KCNQ1: variants seen among roughly 807,000 people sequenced by gnomAD.
The protein encoded by KCNQ1 is potassium voltage-gated channel subfamily Q member 1.
In KCNQ1, 49 loss-of-function variants were observed where a neutral mutation model predicts 72.4. The ratio of observed to expected loss-of-function variants is 0.68; its 90% CI spans 0.54 to 0.86. The LOEUF is 0.86. Ranked by LOEUF, KCNQ1 falls within the 40% of genes least tolerant of loss-of-function variation. The pLI is 0.00. For synonymous variants in KCNQ1, 450 were observed against 412.6 expected (o/e 1.09, Z -1.10); for missense variants, 790 against 945.1 (o/e 0.84, Z 2.15).
At position 2,691,467 on chromosome 11, in the gene KCNQ1, C is replaced by T; in HGVS notation, c.1514+29386C>T. On this transcript the variant is annotated intron_variant, in intron 11 of 15. Coordinates refer to ENST00000155840, the MANE Select transcript of KCNQ1 (RefSeq NM_000218.3). This position sits in a 1 kb window ranked among gnomAD's most constrained non-coding sequence, Gnocchi z 6.4. The stretch of plus-strand genomic sequence containing the variant: ...ACTGAGTCTCTGATGTTGACAGCCT[C>T]TTTGTTTTTTCATCTCAGCCTATTC... 2.5e-6 allele frequency: 1 copy of T among 398,484 alleles called. No homozygotes were observed. The highest frequency in any genetic ancestry group is 4.4e-6 in the Non-Finnish European group (1 of 226,032). The allele number at this position is 398,484 out of a possible 1,614,324, so 24.7% of individuals were successfully genotyped here.
intron 2 of KCNQ1, among the ~76,000 whole-genome samples, chr11:2,535,477 G>A (rs1257330442): frequency 1.3e-5 from 2 of 152,200 alleles, no homozygotes; most frequent in Non-Finnish European, 2.9e-5. Flanking sequence ...GACTTGGCCG[G>A]CTCTCCGGAG....
At chr11:2,656,367 C>T (rs1849848324) in intron 10 of KCNQ1, 1 of 398,508 alleles carries the variant, frequency 2.5e-6, no homozygotes, top group Non-Finnish European at 4.4e-6. Flanking sequence ...CCTTACAGGT[C>T]CTTCCCTGGT....
intron 15 of KCNQ1, among the ~76,000 whole-genome samples, chr11:2,798,129 C>A (rs879608836): frequency 2.1e-4 from 28 of 135,498 alleles, no homozygotes; most frequent in Non-Finnish European, 3.9e-4. Flanking sequence ...CCCTCAGTGC[C>A]CCCACTTGTG....
At position 2,720,159 on chromosome 11, in the gene KCNQ1, G is replaced by A. The variant is rs1449064004; in HGVS notation, c.1515-48685G>A. On this transcript the variant is annotated intron_variant, in intron 11 of 15. Coordinates refer to ENST00000155840, the MANE Select transcript of KCNQ1 (RefSeq NM_000218.3). This position sits in a 1 kb window ranked among gnomAD's most constrained non-coding sequence, Gnocchi z 5.1. ...GGAGGGTTGCAAGGAGACGCTTCTA[G>A]TATGTTAGACAGCACAGTCTTCCAA... is the stretch of plus-strand genomic sequence containing the variant. Among the ~76,000 whole-genome samples, 2 of 152,234 alleles carry A rather than the reference G, an allele frequency of 1.3e-5. No individual in the cohort carries two copies. The highest frequency in any genetic ancestry group is 2.4e-5 in the African/African-American group (1 of 41,468).
intron 1 of KCNQ1, among the ~76,000 whole-genome samples, chr11:2,522,112 C>T (rs1007793987): frequency 8.5e-5 from 13 of 152,224 alleles, no homozygotes; most frequent in South Asian, 2.1e-4. Flanking sequence ...TGGTACTCGC[C>T]GTCACTGCTC....
At chr11:2,694,749 A>G (rs1850646452) in intron 11 of KCNQ1, 1 of 398,500 alleles carries the variant, frequency 2.5e-6, no homozygotes, top group African/African-American at 2.1e-5. Flanking sequence ...GTAGATGTCT[A>G]AGGAACTAGA....
intron 10 of KCNQ1, among the ~76,000 whole-genome samples, chr11:2,589,966 C>T (rs145808116): frequency 5.4e-4 from 82 of 152,322 alleles, no homozygotes; most frequent in African/African-American, 1.9e-3. Flanking sequence ...ACGGATGCCA[C>T]GGATGCCCTT....
Position 2,562,769 on chromosome 11 carries a change from G to T in KCNQ1, c.478-7859G>T, listed in dbSNP as rs1178034395. On this transcript the variant is annotated intron_variant, in intron 2 of 15. Transcript: ENST00000155840. This position sits in a 1 kb window ranked among gnomAD's most constrained non-coding sequence, Gnocchi z 7.5. The stretch of plus-strand genomic sequence containing the variant: ...AGGTCCCCAGGCCTAAGTCTATGGG[G>T]GCGCCAGGGAGGCCGGCTGTGTTTC... Among the ~76,000 whole-genome samples the T allele has an allele frequency of 3.3e-5, 5 of 152,276 alleles. No homozygotes were observed. Among genetic ancestry groups the T allele is most frequent in the African/African-American group, 1.2e-4 (5 of 41,552 alleles).
At chr11:2,823,777 C>A (rs1158037900) in intron 15 of KCNQ1, among the ~76,000 whole-genome samples, 1 of 152,218 alleles carries the variant, frequency 6.6e-6, no homozygotes, top group African/African-American at 2.4e-5. Flanking sequence ...GCACAGTATA[C>A]CCCCTGGCTC....
At chr11:2,604,753 C>T (rs140855592) in intron 10 of KCNQ1, among the ~76,000 whole-genome samples, 3,604 of 152,092 alleles carry the variant, frequency 0.024, 143 homozygotes, top group African/African-American at 0.078. Flanking sequence ...CCATGTTGGC[C>T]GAGATGGTCT....
intron 15 of KCNQ1, among the ~76,000 whole-genome samples, chr11:2,789,461 G>A (rs891631263): frequency 5.9e-5 from 9 of 152,202 alleles, no homozygotes; most frequent in Non-Finnish European, 1.0e-4. Flanking sequence ...GAGACACCTC[G>A]ACGCCGCAGC....
rs1846549633 is a variant in KCNQ1 at position 2,769,208 on chromosome 11, C to T, written c.1590+289C>T. Among the ~76,000 whole-genome samples the T allele has an allele frequency of 6.6e-6, 1 of 152,110 alleles. No homozygotes were observed. The highest frequency in any genetic ancestry group is 1.5e-5 in the Non-Finnish European group (1 of 68,016). On this transcript the variant is annotated intron_variant, in intron 12 of 15. Transcript: ENST00000155840. The surrounding 1 kb of genome is among the most constrained non-coding windows in gnomAD (Gnocchi z 4.6). ...GCAGCCGTGTAGCTCACTCAGTCCT[C>T]CCGTGGGGTGGGTCGTGCAAGGCAG...
At chr11:2,825,452 G>A (rs952032355) in intron 15 of KCNQ1, among the ~76,000 whole-genome samples, 1 of 152,202 alleles carries the variant, frequency 6.6e-6, no homozygotes, top group African/African-American at 2.4e-5. Flanking sequence ...GGGTAGGGGC[G>A]CCCCAGCCCT....
At position 2,579,559 on chromosome 11, in the gene KCNQ1, A is replaced by G. The variant is rs1848469197; in HGVS notation, c.922-3876A>G. Among the ~76,000 whole-genome samples the G allele has an allele frequency of 1.3e-5, 2 of 152,172 alleles. No individual in the cohort carries two copies. Among genetic ancestry groups the G allele is most frequent in the Non-Finnish European group, 2.9e-5 (2 of 68,026 alleles). On this transcript the variant is annotated intron_variant, in intron 6 of 15. Coordinates refer to ENST00000155840, the MANE Select transcript of KCNQ1 (RefSeq NM_000218.3). The surrounding 1 kb of genome is among the most constrained non-coding windows in gnomAD (Gnocchi z 6.0). ...GCTGCCTGTGTCTGAATGCAGGAAA[A>G]ACAAACAGGTCTGCAGGGAGGGGCC...
chr11:2,531,213 GAC>G (rs1847621739), intron 2 of KCNQ1, among the ~76,000 whole-genome samples: 1 of 151,458 alleles, frequency 6.6e-6, no homozygotes. Context: ...TCGAGAATTA[GAC>G]GTGCCCTGGG....
At chr11:2,707,011 C>T (rs1256886941) in intron 11 of KCNQ1, among the ~76,000 whole-genome samples, 1 of 152,148 alleles carries the variant, frequency 6.6e-6, no homozygotes, top group Non-Finnish European at 1.5e-5. Context: ...AAGAGAACAC[C>T]AAATCCATTT....
intron 10 of KCNQ1, chr11:2,638,509 C>A (rs1258664906): frequency 2.6e-5 from 4 of 152,218 alleles, no homozygotes; most frequent in African/African-American, 4.8e-5. Flanking sequence ...GGCCCCCACT[C>A]TCTTCTGGCT....
intron 8 of KCNQ1, among the ~76,000 whole-genome samples, chr11:2,586,794 G>C (rs1050103903): frequency 3.3e-5 from 5 of 152,124 alleles, no homozygotes; most frequent in African/African-American, 1.2e-4. Context: ...CCATCAGTGT[G>C]GGGGAACATT....
intron 10 of KCNQ1, among the ~76,000 whole-genome samples, chr11:2,596,982 G>C (rs973608973): frequency 1.3e-5 from 2 of 152,006 alleles, no homozygotes; most frequent in African/African-American, 4.8e-5. Context: ...TAGGCATGGG[G>C]CTAATTTAAT....
Sources: allele counts gnomAD v4.1 joint callset (sites outside exome capture counted in the v4.1 genomes callset), GRCh38; gene constraint gnomAD v4.1.1; non-coding constraint Gnocchi (gnomAD v3.1); transcripts MANE v1.5; gene names NCBI Gene and HGNC (gene_info 2026-07-23, HGNC 2026-07-21).